Variants in OR1B1 observed in about 807,000 individuals in gnomAD.
OR1B1 encodes the protein olfactory receptor family 1 subfamily B member 1.
For synonymous variants in OR1B1, 168 were observed against 156.2 expected (o/e 1.08, Z -0.57); for missense variants, 414 against 402.1 (o/e 1.03, Z -0.25).
At chr9:122,635,028 G>T in the OR1B1 span, among the ~76,000 whole-genome samples, 2 of 152,074 alleles carry the variant, frequency 1.3e-5, no homozygotes, top group Non-Finnish European at 2.9e-5. Context: ...CCTCTCCTGG[G>T]TATACACCCG....
the OR1B1 span, among the ~76,000 whole-genome samples, chr9:122,650,605 T>C: frequency 1.3e-5 from 2 of 152,036 alleles, no homozygotes; most frequent in Non-Finnish European, 2.9e-5. Flanking sequence ...TTTAGAAATA[T>C]AACTGATAAA....
the OR1B1 span, among the ~76,000 whole-genome samples, chr9:122,642,848 G>T: frequency 1.3e-5 from 2 of 152,124 alleles, no homozygotes; most frequent in African/African-American, 4.8e-5. Context: ...TATACATTCT[G>T]TGAATCTGGC....
At chr9:122,646,236 G>A in the OR1B1 span, among the ~76,000 whole-genome samples, 14 of 151,526 alleles carry the variant, frequency 9.2e-5, no homozygotes, top group Non-Finnish European at 1.9e-4. Context: ...GCATACCACC[G>A]CTGAAAATCA....
chr9:122,656,713 A>G, the OR1B1 span, among the ~76,000 whole-genome samples: 1 of 152,238 alleles, frequency 6.6e-6, no homozygotes, highest in South Asian at 2.1e-4. Context: ...AGACAGTATC[A>G]TTTCACAGTC....
At chr9:122,637,403 C>T in the OR1B1 span, among the ~76,000 whole-genome samples, 47 of 152,100 alleles carry the variant, frequency 3.1e-4, no homozygotes, top group Non-Finnish European at 5.0e-4. Flanking sequence ...AGCCCCCTCC[C>T]TTACATTGGA....
At chr9:122,638,153 A>C in the OR1B1 span, among the ~76,000 whole-genome samples, 2 of 152,232 alleles carry the variant, frequency 1.3e-5, no homozygotes, top group African/African-American at 2.4e-5. Context: ...ATACATAGTG[A>C]AATTCTAGAA....
At chr9:122,628,946 T>G (rs772071540) in exon 1 of OR1B1, 1 of 1,613,960 alleles carries the variant, frequency 6.2e-7, no homozygotes, top group Admixed American at 1.7e-5. Flanking sequence ...AGAATGTATG[T>G]CAGAACAAGA....
chr9:122,628,791 A>G lies in OR1B1; in HGVS notation c.745T>C (p.Ser249Pro), dbSNP rs114075976. The change falls in exon 1 of 1, where the codon TCC becomes CCC. Residue 249 changes from serine (S) to proline (P), a missense_variant. Transcript: ENST00000623530. ...AGGAAACCAACCATGGTGAGGTGGGATCCACAGGTGGAGACTGCTCGGCGG... is the reference window on the plus strand; with the variant it reads ...AGGAAACCAACCATGGTGAGGTGGGGTCCACAGGTGGAGACTGCTCGGCGG... The G allele has an allele frequency of 6.0e-4, 961 of 1,614,166 alleles. 7 individuals are homozygous for G. The African/African-American group carries it at 0.012, about 19-fold the overall frequency.
chr9:122,635,982 A>G, the OR1B1 span, among the ~76,000 whole-genome samples: 1 of 152,230 alleles, frequency 6.6e-6, no homozygotes, highest in East Asian at 1.9e-4. Flanking sequence ...CTCAAATTCT[A>G]TATCCCTTTA....
chr9:122,655,748 T>C, the OR1B1 span, among the ~76,000 whole-genome samples: 1 of 151,900 alleles, frequency 6.6e-6, no homozygotes, highest in Non-Finnish European at 1.5e-5. Flanking sequence ...CTGGGCTTAA[T>C]ACCTAAGTGA....
chr9:122,638,801 T>C, the OR1B1 span, among the ~76,000 whole-genome samples: 1 of 152,192 alleles, frequency 6.6e-6, no homozygotes, highest in Non-Finnish European at 1.5e-5. Flanking sequence ...ACAGTGAGCT[T>C]CTCATAGCAG....
chr9:122,644,421 G>A, the OR1B1 span, among the ~76,000 whole-genome samples: 1 of 152,240 alleles, frequency 6.6e-6, no homozygotes, highest in African/African-American at 2.4e-5. Context: ...ATAGTGGTTT[G>A]AGTGCCAGCT....
At chr9:122,633,512 C>A (rs1460036988), upstream of OR1B1, among the ~76,000 whole-genome samples, 1 of 152,142 alleles carries the variant, frequency 6.6e-6, no homozygotes, top group Non-Finnish European at 1.5e-5. Context: ...AATGAAAAGG[C>A]AGCCAACAGA....
the OR1B1 span, among the ~76,000 whole-genome samples, chr9:122,639,112 TTAGA>T: frequency 6.6e-6 from 1 of 152,212 alleles, no homozygotes; most frequent in Admixed American, 6.5e-5. Flanking sequence ...TCATATCTAC[TTAGA>T]TAGACGTTTT....
chr9:122,649,124 A>G, the OR1B1 span, among the ~76,000 whole-genome samples: 7 of 152,216 alleles, frequency 4.6e-5, no homozygotes, highest in Non-Finnish European at 8.8e-5. Flanking sequence ...GATCTTTGAC[A>G]AACCTGACAA....
At chr9:122,656,248 G>A in the OR1B1 span, among the ~76,000 whole-genome samples, 2 of 152,106 alleles carry the variant, frequency 1.3e-5, no homozygotes, top group Admixed American at 6.6e-5. Context: ...AATCCTTGAA[G>A]CTTTGTTGAT....
At chr9:122,646,710 A>G in the OR1B1 span, among the ~76,000 whole-genome samples, 1 of 152,164 alleles carries the variant, frequency 6.6e-6, no homozygotes, top group Non-Finnish European at 1.5e-5. Flanking sequence ...TATAAAGCAA[A>G]TATTATTAGA....
At chr9:122,646,189 T>C in the OR1B1 span, among the ~76,000 whole-genome samples, 7 of 151,482 alleles carry the variant, frequency 4.6e-5, no homozygotes, top group Non-Finnish European at 1.0e-4. Flanking sequence ...AAAAAACATA[T>C]AATGGATACA....
At chr9:122,647,408 T>TAAGAGGG in the OR1B1 span, among the ~76,000 whole-genome samples, 1 of 152,160 alleles carries the variant, frequency 6.6e-6, no homozygotes, top group East Asian at 1.9e-4. Flanking sequence ...AAAGCATTAC[T>TAAGAGGG]AAGAGGGAAC....
Sources: gnomAD v4.1 joint callset for allele counts (sites outside exome capture counted in the v4.1 genomes callset) on GRCh38, gnomAD v4.1.1 for gene constraint, MANE v1.5 for transcripts, NCBI Gene and HGNC (gene_info 2026-07-23, HGNC 2026-07-21) for gene names.